The following SLC22A23 variants were observed in gnomAD, a reference collection of about 807,000 sequenced individuals.
SLC22A23 encodes the protein ion transporter protein.
Under a neutral mutation model 61.0 loss-of-function variants are expected in SLC22A23, and 26 were observed. The ratio of observed to expected loss-of-function variants is 0.43; its 90% confidence interval spans 0.31 to 0.59. The LOEUF (loss-of-function observed/expected upper bound fraction) is 0.59, where lower values mean the gene tolerates loss of function less well. Ranked by LOEUF, SLC22A23 falls within the 20% of genes least tolerant of loss-of-function variation. The pLI is 0.11. For synonymous variants in SLC22A23, 430 were observed against 413.9 expected, an observed-to-expected ratio of 1.04 and a Z score of -0.47; for missense variants, 796 against 934.7, an observed-to-expected ratio of 0.85 and a Z score of 1.94.
intron 1 of SLC22A23, among the ~76,000 whole-genome samples, chr6:3,419,287 C>T (rs1213152980): frequency 6.6e-6 from 1 of 152,100 alleles, no homozygotes. Context: ...GCTCCATTGC[C>T]CCCACAGACA....
Position 3,406,526 on chromosome 6 carries a change from C to CTG in SLC22A23, c.913+3660_913+3661dup, listed in dbSNP as rs61072525. ...CTTGCTAAGTCAGTTTTTCGACTGCCTGTGTGTGTGTGTGTGTGTGTGCGC... is the reference window on the plus strand; with the variant it reads ...CTTGCTAAGTCAGTTTTTCGACTGCCTGTGTGTGTGTGTGTGTGTGTGTGCGC... On this transcript the variant is annotated intron_variant, in intron 3 of 9. Coordinates refer to ENST00000406686, the MANE Select transcript of SLC22A23 (RefSeq NM_015482.2). Among the ~76,000 whole-genome samples, 170 of 103,414 alleles carry CTG rather than the reference C, an allele frequency of 1.6e-3. 1 individual carries two copies. Among genetic ancestry groups the CTG allele is most frequent in the Admixed American group, 7.1e-3 (76 of 10,676 alleles). 67.8% of individuals were successfully genotyped at this position (103,414 alleles called of 152,430 possible).
chr6:3,363,923 T>G (rs9501994), intron 3 of SLC22A23, among the ~76,000 whole-genome samples: 106,907 of 152,038 alleles, frequency 0.7, 37,816 homozygotes, highest in East Asian at 0.84. Flanking sequence ...GGCATGAGTT[T>G]CCTCTGGGCA....
chr6:3,296,363 A>C (rs1185474942), intron 5 of SLC22A23, among the ~76,000 whole-genome samples: 1 of 152,238 alleles, frequency 6.6e-6, no homozygotes, highest in East Asian at 1.9e-4. Flanking sequence ...TCCTCGCTCA[A>C]CTTCTTAGCA....
Position 3,300,629 on chromosome 6 carries a change from T to C in SLC22A23, c.1083-2411A>G, listed in dbSNP as rs140256854. Among the ~76,000 whole-genome samples, 438 of 152,340 alleles carry C rather than the reference T, an allele frequency of 2.9e-3. 1 individual carries two copies. Among genetic ancestry groups the C allele is most frequent in the African/African-American group, 9.1e-3 (380 of 41,568 alleles). ...TCTGTTGTTTATAAATCATCCAGGG[T>C]AAGGTATTTTGTTGTAGCAGCAGGA... is the stretch of plus-strand genomic sequence containing the variant. On this transcript the variant is annotated intron_variant, in intron 4 of 9. Coordinates refer to ENST00000406686, the MANE Select transcript of SLC22A23 (RefSeq NM_015482.2).
rs758045012 is a variant in SLC22A23, at chr6:3,283,992, A to T, written c.1580-17T>A. ...CACTCATCCCTGGGGGAAGGTCAGAAGAAGGTGGTGAGGGAAGAGAGGAAG... is the reference window on the plus strand; with the variant it reads ...CACTCATCCCTGGGGGAAGGTCAGATGAAGGTGGTGAGGGAAGAGAGGAAG... On this transcript the variant is annotated splice_polypyrimidine_tract_variant and intron_variant, in intron 8 of 9. Transcript: ENST00000406686. 41 of 1,594,280 alleles carry T rather than the reference A, an allele frequency of 2.6e-5. No homozygotes were observed. Among genetic ancestry groups the T allele is most frequent in the South Asian group, 4.5e-5 (4 of 89,642 alleles).
intron 3 of SLC22A23, among the ~76,000 whole-genome samples, chr6:3,350,769 T>A (rs1354540395): frequency 6.6e-6 from 1 of 152,198 alleles, no homozygotes; most frequent in Non-Finnish European, 1.5e-5. Context: ...ATTTTTATTA[T>A]GAGAGCAGAT....
Position 3,304,222 on chromosome 6 carries a change from G to T in SLC22A23, c.1083-6004C>A, listed in dbSNP as rs200113979. Reference sequence around the variant, plus strand: ...TGTGTGTGCAGCCCAGTGGTGCAAGGGCAGACAGGGCTCTGAGACTCTGCC... The same window carrying T: ...TGTGTGTGCAGCCCAGTGGTGCAAGTGCAGACAGGGCTCTGAGACTCTGCC... On this transcript the variant is annotated intron_variant, in intron 4 of 9. Transcript: ENST00000406686. This position sits in a 1 kb window ranked among gnomAD's most constrained non-coding sequence, Gnocchi z 4.3. Among the ~76,000 whole-genome samples the T allele has an allele frequency of 3.9e-5, 6 of 152,172 alleles. No individual in the cohort carries two copies. In the East Asian group the frequency reaches 1.2e-3, roughly 29 times the overall value.
intron 4 of SLC22A23, among the ~76,000 whole-genome samples, chr6:3,298,516 C>A (rs1327764296): frequency 6.6e-6 from 1 of 151,842 alleles, no homozygotes; most frequent in Non-Finnish European, 1.5e-5. Flanking sequence ...ACAGAGGATA[C>A]TAGAGGCTGG....
intron 3 of SLC22A23, among the ~76,000 whole-genome samples, chr6:3,393,444 A>G (rs905221848): frequency 3.3e-5 from 5 of 152,330 alleles, no homozygotes; most frequent in East Asian, 3.9e-4. Context: ...CAAGCACTCA[A>G]TAGCACACGT....
intron 4 of SLC22A23, among the ~76,000 whole-genome samples, chr6:3,323,102 T>G (rs950255581): frequency 1.3e-5 from 2 of 152,194 alleles, no homozygotes; most frequent in Non-Finnish European, 2.9e-5. Flanking sequence ...TTTACCAGTG[T>G]GTTTAGTGTT....
Position 3,272,754 on chromosome 6 carries a change from T to G in SLC22A23, c.*301A>C. On this transcript the variant is annotated 3_prime_UTR_variant, in exon 10 of 10. Transcript: ENST00000406686. ...AACTGCGTCTCGCTGCCCAGGGAGG[T>G]GATTCCATTTGTGATCAGTGAGAGG... 8.9e-6 allele frequency: 2 copies of G among 223,554 alleles called. No individual in the cohort carries two copies. Among genetic ancestry groups the G allele is most frequent in the Non-Finnish European group, 1.8e-5 (2 of 113,260 alleles). 13.8% of individuals were successfully genotyped at this position (223,554 alleles called of 1,614,324 possible). A position where few individuals can be genotyped will look rare whatever the true frequency, so the allele number is the denominator to read the frequency against.
rs544784451 is a variant in SLC22A23 at position 3,284,113 on chromosome 6, G to C, written c.1580-138C>G. 2.0e-4 allele frequency: 168 copies of C among 832,658 alleles called. No individual in the cohort carries two copies. In the African/African-American group the frequency reaches 2.6e-3, roughly 13 times the overall value. The allele number at this position is 832,658 out of a possible 1,614,324, so 51.6% of individuals were successfully genotyped here. ...GGATGGGTATGCAATTCCCTCTGGG[G>C]ACCAAGCAGCACCTCAAGGACTAGA... is the stretch of plus-strand genomic sequence containing the variant. On this transcript the variant is annotated intron_variant, in intron 8 of 9. Transcript: ENST00000406686.
rs969451295 is a variant in SLC22A23, at chr6:3,308,898, G to A, written c.1083-10680C>T. On this transcript the variant is annotated intron_variant, in intron 4 of 9. Transcript: ENST00000406686. This position sits in a 1 kb window ranked among gnomAD's most constrained non-coding sequence, Gnocchi z 5.1. ...GCAGAGGTTGCAGTGAGCCGAGATT[G>A]TGCCACTGCACTCCAGCCTGGGCGA... Among the ~76,000 whole-genome samples, 1 of 152,010 alleles carries A rather than the reference G, an allele frequency of 6.6e-6. No homozygotes were observed. Among genetic ancestry groups the A allele is most frequent in the Admixed American group, 6.6e-5 (1 of 15,262 alleles).
At chr6:3,293,615 C>T (rs1469817630) in intron 5 of SLC22A23, among the ~76,000 whole-genome samples, 1 of 152,248 alleles carries the variant, frequency 6.6e-6, no homozygotes, top group Non-Finnish European at 1.5e-5. Flanking sequence ...GACACAGGCT[C>T]CACCTAACCT....
At chr6:3,418,664 G>C (rs1410027754) in intron 1 of SLC22A23, among the ~76,000 whole-genome samples, 5 of 152,232 alleles carry the variant, frequency 3.3e-5, no homozygotes, top group African/African-American at 9.6e-5. Flanking sequence ...AGGAAACCCA[G>C]AGCAAGGCAG....
intron 4 of SLC22A23, among the ~76,000 whole-genome samples, chr6:3,310,787 T>C (rs1001936764): frequency 3.3e-5 from 5 of 152,244 alleles, no homozygotes; most frequent in African/African-American, 9.6e-5. Flanking sequence ...ACTTAACACC[T>C]GCTGTGAAGA....
intron 3 of SLC22A23, among the ~76,000 whole-genome samples, chr6:3,377,672 AT>A (rs11329676): frequency 1 from 152,330 of 152,330 alleles, 76,165 homozygotes; most frequent in Non-Finnish European, 1. Flanking sequence ...CAGATCAGTG[AT>A]CTCAGGCTGT....
chr6:3,286,803 T>C lies in SLC22A23; in HGVS notation c.1546+56A>G, dbSNP rs1581610535. Reference sequence around the variant, plus strand: ...TCTTATGCAGCCCTTTCAAATGCCCTTGGGGATCTGCCAGCTTCCCTCCCT... The same window carrying C: ...TCTTATGCAGCCCTTTCAAATGCCCCTGGGGATCTGCCAGCTTCCCTCCCT... On this transcript the variant is annotated intron_variant, in intron 7 of 9. Coordinates refer to ENST00000406686, the MANE Select transcript of SLC22A23 (RefSeq NM_015482.2). This position sits in a 1 kb window ranked among gnomAD's most constrained non-coding sequence, Gnocchi z 4.2. The C allele has an allele frequency of 2.8e-6, 4 of 1,447,888 alleles. No homozygotes were observed. The highest frequency in any genetic ancestry group is 2.8e-6 in the Non-Finnish European group (3 of 1,054,896). 89.7% of individuals were successfully genotyped at this position (1,447,888 alleles called of 1,614,324 possible).
Position 3,411,893 on chromosome 6 carries a change from A to AT in SLC22A23, c.759-1552dup, listed in dbSNP as rs376445136. Among the ~76,000 whole-genome samples the AT allele has an allele frequency of 2.2e-3, 340 of 152,338 alleles. 1 individual carries two copies. Among genetic ancestry groups the AT allele is most frequent in the African/African-American group, 7.8e-3 (326 of 41,572 alleles). ...CTTACCAGCAAAGACTGTGTAGCTGATTTTGTCCAAATCTAACTCATTGAC... is the reference window on the plus strand; with the variant it reads ...CTTACCAGCAAAGACTGTGTAGCTGATTTTTGTCCAAATCTAACTCATTGAC... On this transcript the variant is annotated intron_variant, in intron 2 of 9. Coordinates refer to ENST00000406686, the MANE Select transcript of SLC22A23 (RefSeq NM_015482.2).
Sources: allele counts gnomAD v4.1 joint callset (sites outside exome capture counted in the v4.1 genomes callset), GRCh38; gene constraint gnomAD v4.1.1; non-coding constraint Gnocchi (gnomAD v3.1); transcripts MANE v1.5; gene names NCBI Gene and HGNC (gene_info 2026-07-23, HGNC 2026-07-21).